The following OSBPL8 variants were observed in gnomAD, a reference collection of about 807,000 sequenced individuals.
OSBPL8 encodes the protein oxysterol binding protein like 8.
In OSBPL8, 59 loss-of-function variants were observed where a neutral mutation model predicts 125.5. That is an observed-to-expected ratio of 0.47 (90% CI 0.38 to 0.58). OSBPL8 has a LOEUF of 0.58. Among genes scored for constraint, OSBPL8 ranks in the 20% least tolerant of loss-of-function variants. The probability of loss-of-function intolerance (pLI) is 0.00; values close to 1 mark genes in which losing one functional copy is unlikely to be tolerated. For synonymous variants in OSBPL8, 330 were observed against 338.9 expected (o/e 0.97, Z 0.29); for missense variants, 758 against 1,047.8 (o/e 0.72, Z 3.82).
At chr12:76,418,354 G>C (rs1310526542) in intron 4 of OSBPL8, among the ~76,000 whole-genome samples, 1 of 152,066 alleles carries the variant, frequency 6.6e-6, no homozygotes, top group Non-Finnish European at 1.5e-5. Flanking sequence ...TCTGTCTCTT[G>C]TTTAACTTAC....
chr12:76,494,401 T>C (rs1879063054), intron 1 of OSBPL8, among the ~76,000 whole-genome samples: 1 of 152,198 alleles, frequency 6.6e-6, no homozygotes, highest in African/African-American at 2.4e-5. Flanking sequence ...AGGAACAACA[T>C]GATCTGAGAT....
rs182257369 is a variant in OSBPL8, at chr12:76,458,912, A to G, written c.79+947T>C. ...CAGTAAACTGACTTGCAATAATCAG[A>G]TAATTGTTTAGGAATCAATAATAAA... On this transcript the variant is annotated intron_variant, in intron 3 of 23. Coordinates refer to ENST00000261183, the MANE Select transcript of OSBPL8 (RefSeq NM_020841.5). Among the ~76,000 whole-genome samples, 997 of 152,314 alleles carry G rather than the reference A, an allele frequency of 6.5e-3. 6 individuals carry two copies. Among genetic ancestry groups the G allele is most frequent in the Middle Eastern group, 0.037 (11 of 294 alleles).
chr12:76,383,025 A>G lies in OSBPL8; in HGVS notation c.1630+1229T>C, dbSNP rs577230089. The stretch of plus-strand genomic sequence containing the variant: ...TGGTTACATGTATTAAAAGGAAAAA[A>G]TAAGAAAAAATGTCTTTTGAATTTA... On this transcript the variant is annotated intron_variant, in intron 15 of 23. Transcript: ENST00000261183. 1.1e-4 allele frequency among the ~76,000 whole-genome samples: 16 copies of G among 152,354 alleles called. No individual in the cohort carries two copies. In the South Asian group the frequency reaches 2.9e-3, roughly 28 times the overall value.
intron 4 of OSBPL8, among the ~76,000 whole-genome samples, chr12:76,443,128 CA>C (rs1239273635): frequency 6.6e-6 from 1 of 152,090 alleles, no homozygotes; most frequent in African/African-American, 2.4e-5. Flanking sequence ...ACTGATTAAG[CA>C]GGTTAAAGTT....
chr12:76,437,743 T>C (rs771349694), intron 4 of OSBPL8, among the ~76,000 whole-genome samples: 31 of 152,212 alleles, frequency 2.0e-4, no homozygotes, highest in Admixed American at 4.6e-4. Flanking sequence ...CAATGAGAAG[T>C]GATGTCACAC....
chr12:76,421,724 A>G (rs1180910923), intron 4 of OSBPL8, among the ~76,000 whole-genome samples: 1 of 152,066 alleles, frequency 6.6e-6, no homozygotes, highest in Non-Finnish European at 1.5e-5. Flanking sequence ...TAACCCTAAA[A>G]GAGTAGACAT....
intron 10 of OSBPL8, among the ~76,000 whole-genome samples, chr12:76,392,060 A>G (rs1027663881): frequency 6.6e-6 from 1 of 152,248 alleles, no homozygotes; most frequent in African/African-American, 2.4e-5. Flanking sequence ...GTTAACTACA[A>G]TAAATGCTTC....
intron 4 of OSBPL8, among the ~76,000 whole-genome samples, chr12:76,443,672 C>T (rs1002586107): frequency 6.6e-6 from 1 of 152,108 alleles, no homozygotes; most frequent in Non-Finnish European, 1.5e-5. Context: ...TCATGCCTGG[C>T]TAATTTTAAT....
chr12:76,399,999 G>T (rs1314070923), intron 6 of OSBPL8, 25 bp from the exon 7 acceptor site: 6 of 1,533,932 alleles, frequency 3.9e-6, no homozygotes, highest in Non-Finnish European at 5.3e-6. Context: ...TAATAGAAAA[G>T]ATAAAAACTC....
intron 16 of OSBPL8, among the ~76,000 whole-genome samples, chr12:76,376,088 G>C (rs1345638126): frequency 2.0e-5 from 3 of 152,172 alleles, no homozygotes; most frequent in African/African-American, 7.2e-5. Flanking sequence ...GAGGCTCACA[G>C]GAATCCAATC....
chr12:76,454,870 A>T (rs1873836322), intron 3 of OSBPL8, among the ~76,000 whole-genome samples: 2 of 152,076 alleles, frequency 1.3e-5, no homozygotes, highest in South Asian at 4.1e-4. Context: ...AAGACTTTTT[A>T]AAAAGCAAAG....
At chr12:76,497,183 G>A (rs55882816) in intron 1 of OSBPL8, among the ~76,000 whole-genome samples, 52 of 151,138 alleles carry the variant, frequency 3.4e-4, no homozygotes, top group Middle Eastern at 3.4e-3. Context: ...TATAGCTTAG[G>A]AATCAGCAAA....
chr12:76,490,612 A>T (rs890177252), intron 1 of OSBPL8, among the ~76,000 whole-genome samples: 2 of 152,342 alleles, frequency 1.3e-5, no homozygotes, highest in Admixed American at 1.3e-4. Flanking sequence ...CATGGCAATA[A>T]AATCCCCCAC....
intron 2 of OSBPL8, among the ~76,000 whole-genome samples, chr12:76,478,153 G>T (rs991613438): frequency 7.9e-5 from 12 of 151,976 alleles, no homozygotes; most frequent in African/African-American, 2.9e-4. Context: ...AGTGAGCTGA[G>T]ACTGCGCCTC....
At chr12:76,557,128 T>C (rs1484745424) in intron 1 of OSBPL8, among the ~76,000 whole-genome samples, 1 of 152,232 alleles carries the variant, frequency 6.6e-6, no homozygotes, top group Non-Finnish European at 1.5e-5. Context: ...AACATGACAT[T>C]TCAGGCATTG....
intron 4 of OSBPL8, among the ~76,000 whole-genome samples, chr12:76,425,091 A>C (rs1869991288): frequency 6.6e-6 from 1 of 152,186 alleles, no homozygotes; most frequent in Non-Finnish European, 1.5e-5. Context: ...TACGTCAACA[A>C]CAATACTGGA....
At chr12:76,430,636 A>C (rs1339608091) in intron 4 of OSBPL8, among the ~76,000 whole-genome samples, 2 of 152,262 alleles carry the variant, frequency 1.3e-5, no homozygotes, top group Non-Finnish European at 2.9e-5. Context: ...TACAGATAGA[A>C]AATCTAACAA....
intron 16 of OSBPL8, among the ~76,000 whole-genome samples, chr12:76,378,047 A>G (rs768828396): frequency 3.3e-5 from 5 of 152,228 alleles, no homozygotes; most frequent in Admixed American, 2.6e-4. Flanking sequence ...TGAGGGTGAG[A>G]AAAATCTTTA....
At chr12:76,439,589 T>C (rs78655765) in intron 4 of OSBPL8, among the ~76,000 whole-genome samples, 6 of 151,868 alleles carry the variant, frequency 4.0e-5, no homozygotes, top group Non-Finnish European at 7.4e-5. Context: ...CCTTTTTTTT[T>C]CCCTAAAGGC....
Sources: allele counts gnomAD v4.1 joint callset (sites outside exome capture counted in the v4.1 genomes callset), GRCh38; gene constraint gnomAD v4.1.1; transcripts MANE v1.5; gene names NCBI Gene and HGNC (gene_info 2026-07-23, HGNC 2026-07-21).